Variants in GLRA3 observed in about 807,000 individuals in gnomAD.
GLRA3 encodes glycine receptor subunit alpha-3.
GLRA3 carries 44 observed loss-of-function variants against 60.4 expected under a neutral mutation model. The observed-to-expected ratio is 0.73, with a 90% CI of 0.57 to 0.94. The LOEUF (loss-of-function observed/expected upper bound fraction) is 0.94. Ranked by LOEUF, GLRA3 falls within the 40% of genes least tolerant of loss-of-function variation. The probability of loss-of-function intolerance (pLI) is 0.00; values close to 1 mark genes in which losing one functional copy is unlikely to be tolerated. For synonymous variants in GLRA3, 223 were observed against 192.9 expected, an observed-to-expected ratio of 1.16 and a Z score of -1.29; for missense variants, 508 against 564.6, an observed-to-expected ratio of 0.90 and a Z score of 1.02.
At chr4:174,763,527 C>T (rs1217245402) in intron 3 of GLRA3, among the ~76,000 whole-genome samples, 2 of 152,164 alleles carry the variant, frequency 1.3e-5, no homozygotes, top group South Asian at 2.1e-4. Flanking sequence ...TTGGTTTTTG[C>T]GTATATTTCC....
intron 5 of GLRA3, among the ~76,000 whole-genome samples, chr4:174,696,649 A>T (rs973958090): frequency 4.0e-4 from 61 of 152,120 alleles, no homozygotes; most frequent in Non-Finnish European, 4.3e-4. Flanking sequence ...GAGATTAGAT[A>T]AAAAACCTTA....
intron 3 of GLRA3, among the ~76,000 whole-genome samples, chr4:174,756,091 G>T (rs1021676450): frequency 6.6e-6 from 1 of 152,196 alleles, no homozygotes. Flanking sequence ...TATATCTAAG[G>T]AATGGAACTT....
chr4:174,820,786 A>C (rs1308856007), intron 1 of GLRA3, among the ~76,000 whole-genome samples: 1 of 152,212 alleles, frequency 6.6e-6, no homozygotes, highest in Non-Finnish European at 1.5e-5. Flanking sequence ...CACCACCCAC[A>C]GAAAAGGCAA....
chr4:174,751,863 TA>T (rs1737501098), intron 3 of GLRA3, among the ~76,000 whole-genome samples: 1 of 152,062 alleles, frequency 6.6e-6, no homozygotes, highest in African/African-American at 2.4e-5. Context: ...AGCATATAAA[TA>T]AATTTACAGT....
chr4:174,810,027 A>G (rs1301916871), intron 1 of GLRA3, among the ~76,000 whole-genome samples: 1 of 152,190 alleles, frequency 6.6e-6, no homozygotes, highest in Non-Finnish European at 1.5e-5. Flanking sequence ...TTCATCTTCA[A>G]ATAGGTTTTG....
At chr4:174,748,884 T>C (rs1015462109) in intron 3 of GLRA3, among the ~76,000 whole-genome samples, 1 of 152,150 alleles carries the variant, frequency 6.6e-6, no homozygotes, top group Non-Finnish European at 1.5e-5. Flanking sequence ...ATATTAAAGC[T>C]AGGGACCTTG....
In GLRA3 at chr4:174,642,829, T is replaced by C; in HGVS notation, c.*957A>G. On this transcript the variant is annotated 3_prime_UTR_variant, in exon 10 of 10. Transcript: ENST00000274093. ...AATCTTCCATGAATCCATTTTGTTT[T>C]CATTGTATTCATTTTTATCAAAATG... 1 of 780,244 alleles carries C rather than the reference T, an allele frequency of 1.3e-6. No homozygotes were observed. The highest frequency in any genetic ancestry group is 1.6e-6 in the Non-Finnish European group (1 of 643,014). 48.3% of individuals were successfully genotyped at this position (780,244 alleles called of 1,614,324 possible). A position where few individuals can be genotyped will look rare whatever the true frequency, so the allele number is the denominator to read the frequency against.
intron 2 of GLRA3, among the ~76,000 whole-genome samples, chr4:174,777,870 A>G (rs982644248): frequency 6.6e-6 from 1 of 152,180 alleles, no homozygotes; most frequent in African/African-American, 2.4e-5. Flanking sequence ...AAACAAGTCT[A>G]TTAATTTAAA....
chr4:174,673,916 G>T (rs1468704920), intron 7 of GLRA3, among the ~76,000 whole-genome samples: 1 of 152,014 alleles, frequency 6.6e-6, no homozygotes, highest in African/African-American at 2.4e-5. Flanking sequence ...CTTGACTCCT[G>T]CATTTCCCTG....
intron 1 of GLRA3, among the ~76,000 whole-genome samples, chr4:174,806,580 T>A (rs1740060957): frequency 6.6e-6 from 1 of 152,128 alleles, no homozygotes; most frequent in Non-Finnish European, 1.5e-5. Context: ...TGTCGTTATT[T>A]CCTAAACAAT....
At position 174,643,786 on chromosome 4, in the gene GLRA3, T is replaced by C; in HGVS notation, c.1395A>G (p.Ter465=). Residue 465 remains the stop codon, a stop_retained_variant, in exon 10 of 10, where the codon TAA becomes TAG. Transcript: ENST00000274093. The part of the protein sequence containing the change: ...RHEDIHQQQD[*] ...TTTGCATTTGCATGCCCCCAGAGAC[T>C]TAATCTTGCTGCTGATGAATATCCT... 1 of 1,611,272 alleles carries C rather than the reference T, an allele frequency of 6.2e-7. No homozygotes were observed. Among genetic ancestry groups the C allele is most frequent in the East Asian group, 2.2e-5 (1 of 44,814 alleles).
intron 3 of GLRA3, among the ~76,000 whole-genome samples, chr4:174,758,315 A>ATAAG (rs1030313478): frequency 4.2e-4 from 64 of 152,292 alleles, no homozygotes; most frequent in African/African-American, 1.5e-3. Flanking sequence ...ATATTCAATA[A>ATAAG]TAAGTCATAT....
intron 9 of GLRA3, 30 bp from the exon 10 acceptor site, chr4:174,644,094 T>C (rs4235212): frequency 0.34 from 465,054 of 1,352,652 alleles, 82,892 homozygotes; most frequent in Admixed American, 0.52. Context: ...CAAGGCCCTT[T>C]AATAATACAA....
intron 2 of GLRA3, among the ~76,000 whole-genome samples, chr4:174,774,047 T>C (rs1023650248): frequency 2.6e-5 from 4 of 152,158 alleles, no homozygotes; most frequent in Admixed American, 1.3e-4. Flanking sequence ...CCATCCTGGC[T>C]TGCAGAGTTG....
chr4:174,782,438 A>G (rs1262192628), intron 2 of GLRA3, among the ~76,000 whole-genome samples: 1 of 149,342 alleles, frequency 6.7e-6, no homozygotes, highest in African/African-American at 2.4e-5. Flanking sequence ...CACCACTCCT[A>G]TTCAACATAG....
Position 174,828,969 on chromosome 4 carries a change from G to T in GLRA3, c.-158C>A, listed in dbSNP as rs182436773. ...CTTAGACAGCTCCCCGCAGTATGCG[G>T]ACCCCTTCTCAGCATTGAGCAGAAG... On this transcript the variant is annotated 5_prime_UTR_variant, in exon 1 of 10. Coordinates refer to ENST00000274093, the MANE Select transcript of GLRA3 (RefSeq NM_006529.4). 6.4e-5 allele frequency: 40 copies of T among 626,334 alleles called. No individual in the cohort carries two copies. The Admixed American group carries it at 7.8e-4, about 12-fold the overall frequency. The allele number at this position is 626,334 out of a possible 1,614,324, so 38.8% of individuals were successfully genotyped here. A position where few individuals can be genotyped will look rare whatever the true frequency, so the allele number is the denominator to read the frequency against.
intron 9 of GLRA3, among the ~76,000 whole-genome samples, chr4:174,648,649 G>A (rs1732922089): frequency 6.6e-6 from 1 of 152,158 alleles, no homozygotes; most frequent in African/African-American, 2.4e-5. Flanking sequence ...ACTTGGGTAA[G>A]CACTGGGTTA....
At chr4:174,749,870 A>G (rs531970971) in intron 3 of GLRA3, among the ~76,000 whole-genome samples, 88 of 152,270 alleles carry the variant, frequency 5.8e-4, no homozygotes, top group Non-Finnish European at 1.1e-3. Flanking sequence ...AGTGACATAT[A>G]TGAGTGTTAG....
intron 6 of GLRA3, among the ~76,000 whole-genome samples, chr4:174,680,911 T>C (rs1040449789): frequency 6.6e-6 from 1 of 152,196 alleles, no homozygotes; most frequent in African/African-American, 2.4e-5. Context: ...ACATAAAAGG[T>C]ATATGTGGTA....
Sources: gnomAD v4.1 joint callset for allele counts (sites outside exome capture counted in the v4.1 genomes callset) on GRCh38, gnomAD v4.1.1 for gene constraint, MANE v1.5 for transcripts, NCBI Gene and HGNC (gene_info 2026-07-23, HGNC 2026-07-21) for gene names.